The following RNF43 variants were observed in gnomAD, a reference collection of about 807,000 sequenced individuals.
RNF43 encodes the protein E3 ubiquitin-protein ligase RNF43.
RNF43 carries 37 observed loss-of-function variants against 78.4 expected under a neutral mutation model. The observed-to-expected ratio is 0.47, with a 90% CI of 0.36 to 0.62. RNF43 has a LOEUF of 0.62. Among genes scored for constraint, RNF43 ranks in the 20% least tolerant of loss-of-function variants. RNF43 has a pLI of 0.00. For synonymous variants in RNF43, 347 were observed against 395.0 expected, an observed-to-expected ratio of 0.88 and a Z score of 1.44; for missense variants, 774 against 1,007.9, an observed-to-expected ratio of 0.77 and a Z score of 3.14.
intron 2 of RNF43, among the ~76,000 whole-genome samples, chr17:58,372,445 G>C (rs544120385): frequency 1.1e-4 from 16 of 152,192 alleles, no homozygotes; most frequent in Non-Finnish European, 2.1e-4. Context: ...CAAGAAAAAG[G>C]CTGGGGCATG....
chr17:58,355,120 T>C, intron 9 of RNF43, 134 bp from the exon 10 acceptor site: 2 of 828,956 alleles, frequency 2.4e-6, no homozygotes, highest in Non-Finnish European at 4.1e-6. Flanking sequence ...AAAGGGTGGT[T>C]AGATTGAAAG....
chr17:58,362,525 A>G lies in RNF43; in HGVS notation c.687+19T>C. On this transcript the variant is annotated intron_variant, in intron 6 of 9. Transcript: ENST00000407977. Reference sequence around the variant, plus strand: ...CACACGCACACGTTCACCGCCGCCAAAGACCCCACACTGCTCACCGGCCTG... The same window carrying G: ...CACACGCACACGTTCACCGCCGCCAGAGACCCCACACTGCTCACCGGCCTG... 1 of 1,584,034 alleles carries G rather than the reference A, an allele frequency of 6.3e-7. No homozygotes were observed. The highest frequency in any genetic ancestry group is 8.6e-7 in the Non-Finnish European group (1 of 1,163,060).
At chr17:58,391,290 T>C (rs1973552887) in intron 2 of RNF43, among the ~76,000 whole-genome samples, 1 of 152,224 alleles carries the variant, frequency 6.6e-6, no homozygotes, top group South Asian at 2.1e-4. Flanking sequence ...CCTTTGCCAT[T>C]GTTTATTCCT....
At chr17:58,381,526 G>T (rs1419680805) in intron 2 of RNF43, among the ~76,000 whole-genome samples, 1 of 152,232 alleles carries the variant, frequency 6.6e-6, no homozygotes, top group African/African-American at 2.4e-5. Context: ...AGCCTTCCAG[G>T]CAGGGGATAA....
chr17:58,381,546 T>C lies in RNF43; in HGVS notation c.253-10513A>G, dbSNP rs115233503. Among the ~76,000 whole-genome samples the C allele has an allele frequency of 9.8e-3, 1,496 of 152,236 alleles. 17 individuals carry two copies. Among genetic ancestry groups the C allele is most frequent in the African/African-American group, 0.035 (1,440 of 41,514 alleles). The stretch of plus-strand genomic sequence containing the variant: ...TCCAGGCAGGGGATAAAAGAAAAAG[T>C]GAGATGGCTCTGGGAGAGCCTGGGA... On this transcript the variant is annotated intron_variant, in intron 2 of 9. Transcript: ENST00000407977.
intron 2 of RNF43, among the ~76,000 whole-genome samples, chr17:58,415,046 T>A (rs1161982963): frequency 6.6e-6 from 1 of 152,038 alleles, no homozygotes; most frequent in East Asian, 1.9e-4. Context: ...CCAGAATATA[T>A]CACTTGAAAA....
At chr17:58,352,552 G>GTT, downstream of RNF43, 2 of 218,038 alleles carry the variant, frequency 9.2e-6, no homozygotes, top group Non-Finnish European at 1.8e-5. Flanking sequence ...CCCGAAGTTT[G>GTT]TTTTTTTTTG....
chr17:58,394,419 G>A (rs959260926), intron 2 of RNF43, among the ~76,000 whole-genome samples: 8 of 152,156 alleles, frequency 5.3e-5, no homozygotes, highest in Non-Finnish European at 1.0e-4. Flanking sequence ...ATGAAGAAAA[G>A]TAAAGCATTG....
intron 3 of RNF43, among the ~76,000 whole-genome samples, chr17:58,366,473 C>T (rs1392067275): frequency 6.6e-6 from 1 of 152,214 alleles, no homozygotes; most frequent in Non-Finnish European, 1.5e-5. Flanking sequence ...TCCTACTGGG[C>T]TGGCTGGGCC....
intron 2 of RNF43, among the ~76,000 whole-genome samples, chr17:58,381,243 C>T (rs1318284155): frequency 6.6e-6 from 1 of 152,176 alleles, no homozygotes; most frequent in Non-Finnish European, 1.5e-5. Flanking sequence ...CCTCAGAAGC[C>T]ATTGGGGGGT....
chr17:58,393,625 C>T (rs923372995), intron 2 of RNF43, among the ~76,000 whole-genome samples: 2 of 152,044 alleles, frequency 1.3e-5, no homozygotes, highest in African/African-American at 4.8e-5. Context: ...CTGTGTTGTT[C>T]AATAGTCAAC....
At chr17:58,403,511 C>T (rs1452839173) in intron 2 of RNF43, among the ~76,000 whole-genome samples, 1 of 152,218 alleles carries the variant, frequency 6.6e-6, no homozygotes, top group Non-Finnish European at 1.5e-5. Context: ...GAGGAACAGG[C>T]CTGCCTGTAC....
intron 2 of RNF43, among the ~76,000 whole-genome samples, chr17:58,387,938 T>G (rs1036568947): frequency 2.0e-5 from 3 of 152,064 alleles, no homozygotes; most frequent in Non-Finnish European, 2.9e-5. Flanking sequence ...GGCACCAAGT[T>G]TCTTAATCAC....
Position 58,370,993 on chromosome 17 carries a change from T to C in RNF43, c.293A>G (p.Asn98Ser), listed in dbSNP as rs1323255524. The C allele has an allele frequency of 7.4e-6, 12 of 1,611,054 alleles. No individual in the cohort carries two copies. The highest frequency in any genetic ancestry group is 6.7e-5 in the East Asian group (3 of 44,846). The change falls in exon 3 of 10, where the codon AAT (asparagine) becomes AGT (serine). Residue 98 changes from asparagine (N) to serine (S), a missense_variant. Asn to Ser is a conservative substitution (Grantham distance 46). Coordinates refer to ENST00000407977, the MANE Select transcript of RNF43 (RefSeq NM_017763.6). ...GATGCTGATGAATCCAGGCTCCAGATTGTCGTCATCACTGGCATTGCACAG... is the reference window on the plus strand; with the variant it reads ...GATGCTGATGAATCCAGGCTCCAGACTGTCGTCATCACTGGCATTGCACAG... ...LYLCNASDDD[N>S]LEPGFISIVK...
intron 6 of RNF43, among the ~76,000 whole-genome samples, 166 bp from the exon 7 acceptor site, chr17:58,361,110 C>G (rs573948222): frequency 6.6e-6 from 1 of 152,206 alleles, no homozygotes. Flanking sequence ...GCCAAGCATG[C>G]CAAGCTCTCC....
At chr17:58,365,149 C>G (rs902036859) in intron 3 of RNF43, among the ~76,000 whole-genome samples, 2 of 152,218 alleles carry the variant, frequency 1.3e-5, no homozygotes, top group African/African-American at 2.4e-5. Context: ...ATCTTCCCTA[C>G]TCACTTCCTC....
chr17:58,359,014 C>A (rs1972772361), intron 8 of RNF43, among the ~76,000 whole-genome samples, 191 bp from the exon 9 acceptor site: 1 of 152,156 alleles, frequency 6.6e-6, no homozygotes, highest in Non-Finnish European at 1.5e-5. Flanking sequence ...GGTTGCCTGC[C>A]CTGGGAGGGC....
At chr17:58,409,890 T>C (rs1162682913) in intron 2 of RNF43, among the ~76,000 whole-genome samples, 1 of 151,928 alleles carries the variant, frequency 6.6e-6, no homozygotes, top group Non-Finnish European at 1.5e-5. Flanking sequence ...TATCTCAAAA[T>C]ACAAAGAAAC....
rs1174509032 is a variant in RNF43, at chr17:58,360,797, ACTC to A, written c.832_834del (p.Glu278del). On this transcript the variant is annotated inframe_deletion, in exon 7 of 10. Transcript: ENST00000407977. The surrounding 1 kb of genome is among the most constrained non-coding windows in gnomAD (Gnocchi z 4.3). ...ACCTGCCTTACCTGCCCCTCAGAGA[ACTC>A]CTCCAGACAGATGGCACACACAGGG... The A allele has an allele frequency of 2.5e-6, 4 of 1,609,186 alleles. No homozygotes were observed. Among genetic ancestry groups the A allele is most frequent in the Non-Finnish European group, 2.5e-6 (3 of 1,177,854 alleles).
Sources: gnomAD v4.1 joint callset for allele counts (sites outside exome capture counted in the v4.1 genomes callset) on GRCh38, gnomAD v4.1.1 for gene constraint, Gnocchi (gnomAD v3.1) non-coding constraint, MANE v1.5 for transcripts, NCBI Gene and HGNC (gene_info 2026-07-23, HGNC 2026-07-21) for gene names.